FLG: variants seen among roughly 807,000 people sequenced by gnomAD.
FLG encodes the protein filaggrin, also known as epidermal filaggrin.
A neutral mutation model predicts 3.8 loss-of-function variants in FLG; 6 were observed. That is an observed-to-expected ratio of 1.60 (90% confidence interval 0.87 to 3.15). The LOEUF is 3.15. FLG is among the 30% of genes most tolerant of loss of function. The pLI is 0.00. For missense variants in FLG, 7,595 were observed against 5,050.9 expected, an observed-to-expected ratio of 1.50 and a Z score of -15.27; for synonymous variants, 2,551 against 1,931.6, an observed-to-expected ratio of 1.32 and a Z score of -8.41.
At position 152,309,412 on chromosome 1, in the gene FLG, T is replaced by G; in HGVS notation, c.5474A>C (p.Gln1825Pro). 6.2e-7 allele frequency: 1 copy of G among 1,613,772 alleles called. No homozygotes were observed. Among genetic ancestry groups the G allele is most frequent in the South Asian group, 1.1e-5 (1 of 91,054 alleles). Reference sequence around the variant, plus strand: ...TACCGATTGCTCATAGTGGGATCCCTGCCTTCCTCCTCTGCTTGACCCTGG... The same window carrying G: ...TACCGATTGCTCATAGTGGGATCCCGGCCTTCCTCCTCTGCTTGACCCTGG... Reference protein sequence around the residue: ...GHPGSSRGGRQGSHYEQSVDS... With the variant: ...GHPGSSRGGRPGSHYEQSVDS... Residue 1825 changes from glutamine to proline, a missense_variant, in exon 3 of 3, where the codon CAG (glutamine) becomes CCG (proline). Physicochemically the swap from Gln to Pro is moderately conservative, Grantham distance 76. Coordinates refer to ENST00000368799, the MANE Select transcript of FLG (RefSeq NM_002016.2).
rs1391084527 is a variant in FLG at position 152,312,581 on chromosome 1, C to A, written c.2305G>T (p.Gly769Cys). The change falls in exon 3 of 3, where the codon GGT (glycine) becomes TGT (cysteine). Residue 769 changes from glycine (G) to cysteine (C), a missense_variant. Transcript: ENST00000368799. The stretch of plus-strand genomic sequence containing the variant: ...TCTTGGTGGCTCTGCTGATGGTGAC[C>A]AGCCTGTCCATGGCCTGACACTGAC... Reference protein sequence around the residue: ...TQSVSGHGQAGHHQQSHQESA... With the variant: ...TQSVSGHGQACHHQQSHQESA... 4 of 1,613,604 alleles carry A rather than the reference C, an allele frequency of 2.5e-6. No individual in the cohort carries two copies. Among genetic ancestry groups the A allele is most frequent in the Non-Finnish European group, 3.4e-6 (4 of 1,179,980 alleles).
rs376401439 is a variant in FLG at position 152,310,207 on chromosome 1, C to G, written c.4679G>C (p.Arg1560Pro). Residue 1560 changes from arginine to proline, a missense_variant, in exon 3 of 3, where the codon CGT becomes CCT. Arg to Pro is a moderately radical substitution (Grantham distance 103). Coordinates refer to ENST00000368799, the MANE Select transcript of FLG (RefSeq NM_002016.2). The stretch of plus-strand genomic sequence containing the variant: ...GGCCCGAGTGGAAGGTTCATGGTGA[C>G]GTGACCCTGAGTGCCTGGAGCCGTC... ...SGDGSRHSGS[R>P]HHEPSTRAGS... 2.5e-6 allele frequency: 4 copies of G among 1,613,466 alleles called. No homozygotes were observed. The highest frequency in any genetic ancestry group is 3.4e-6 in the Non-Finnish European group (4 of 1,179,910).
chr1:152,310,833 T>A lies in FLG; in HGVS notation c.4053A>T (p.Ser1351=), dbSNP rs1557878150. Reference sequence around the variant, plus strand: ...GGGATCCATGTCTTTCTCCTGGACTTGATCTTGCCTGTTCATGGGATGACA... The same window carrying A: ...GGGATCCATGTCTTTCTCCTGGACTAGATCTTGCCTGTTCATGGGATGACA... ...QAVSSHEQAR[S]SPGERHGSRH... The change falls in exon 3 of 3, where the codon TCA becomes TCT. Residue 1351 remains serine, a synonymous_variant. Coordinates refer to ENST00000368799, the MANE Select transcript of FLG (RefSeq NM_002016.2). 6.2e-7 allele frequency: 1 copy of A among 1,611,824 alleles called. No individual in the cohort carries two copies. The highest frequency in any genetic ancestry group is 2.2e-5 in the East Asian group (1 of 44,540).
In FLG at chr1:152,303,340, T is replaced by A; in HGVS notation, c.11546A>T (p.Glu3849Val). ...CCTGCTTCTCCTGGACCCCGCTGAT[T>A]CACCCTGGCCGGACTGTGAGTGTCT... ...SSRHSQSGQG[E>V]SAGSRRSRRQ... Residue 3849 changes from glutamate (E) to valine (V), a missense_variant, in exon 3 of 3, where the codon GAA becomes GTA. Glu to Val is a moderately radical substitution (Grantham distance 121). Coordinates refer to ENST00000368799, the MANE Select transcript of FLG (RefSeq NM_002016.2). 6.2e-7 allele frequency: 1 copy of A among 1,614,114 alleles called. No homozygotes were observed. Among genetic ancestry groups the A allele is most frequent in the South Asian group, 1.1e-5 (1 of 91,082 alleles).
chr1:152,318,378 G>A (rs915658819), intron 1 of FLG, among the ~76,000 whole-genome samples: 1 of 151,678 alleles, frequency 6.6e-6, no homozygotes, highest in Non-Finnish European at 1.5e-5. Context: ...TTAATCTCTT[G>A]GTATGTGAAA....
In FLG at chr1:152,309,976, T is replaced by G; in HGVS notation, c.4910A>C (p.Gln1637Pro). Residue 1637 changes from glutamine to proline, a missense_variant, in exon 3 of 3, where the codon CAA becomes CCA. Gln to Pro is a moderately conservative substitution (Grantham distance 76). Transcript: ENST00000368799. ...RHGSRNPRSH[Q>P]EDRASHGHSA... ...GTGCCCATGACTGGCTCTATCTTCT[T>G]GATGGGACCTGGGGTTCCTGGAGCC... 1.2e-6 allele frequency: 2 copies of G among 1,614,020 alleles called. No individual in the cohort carries two copies. Among genetic ancestry groups the G allele is most frequent in the Non-Finnish European group, 1.7e-6 (2 of 1,179,992 alleles).
chr1:152,306,339 G>A lies in FLG; in HGVS notation c.8547C>T (p.Asp2849=), dbSNP rs200790612. The change falls in exon 3 of 3, where the codon GAC becomes GAT. Residue 2849 remains aspartate, a synonymous_variant. Coordinates refer to ENST00000368799, the MANE Select transcript of FLG (RefSeq NM_002016.2). ...RTTRNEEQSG[D]GSRHSGSRHH... ...GACGCGACCCTGAGTGCCTGGAGCC[G>A]TCTCCTGATTGTTCCTCATTACGTG... The A allele has an allele frequency of 9.2e-5, 147 of 1,601,976 alleles. No individual in the cohort carries two copies. The highest frequency in any genetic ancestry group is 5.0e-4 in the Middle Eastern group (3 of 6,054).
In FLG at chr1:152,313,581, T is replaced by C. The variant is rs371524896; in HGVS notation, c.1305A>G (p.Gln435=). 9.3e-6 allele frequency: 15 copies of C among 1,613,758 alleles called. No individual in the cohort carries two copies. In the African/African-American group the frequency reaches 1.9e-4, roughly 20 times the overall value. The part of the protein sequence containing the change: ...SEGHSENSDT[Q]SVSGHGKAGL... The stretch of plus-strand genomic sequence containing the variant: ...CAGCCTTTCCGTGGCCTGACACTGA[T>C]TGTGTGTCTGAGTTTTCTGAATGTC... Residue 435 remains glutamine (Q), a synonymous_variant, in exon 3 of 3, where the codon CAA becomes CAG. Transcript: ENST00000368799.
At position 152,309,333 on chromosome 1, in the gene FLG, C is replaced by A. The variant is rs768262606; in HGVS notation, c.5553G>T (p.Arg1851Ser). The stretch of plus-strand genomic sequence containing the variant: ...CTGACTGCCCACGGGAGACATCAGA[C>A]CTTTCCTGGGACGTGGTGTGGCTGT... Reference protein sequence around the residue: ...SHHSHTTSQERSDVSRGQSGS... With the variant: ...SHHSHTTSQESSDVSRGQSGS... The change falls in exon 3 of 3, where the codon AGG becomes AGT. Residue 1851 changes from arginine (R) to serine (S), a missense_variant. Arg to Ser is a moderately radical substitution (Grantham distance 110). Transcript: ENST00000368799. 8.1e-6 allele frequency: 13 copies of A among 1,613,748 alleles called. No individual in the cohort carries two copies. The highest frequency in any genetic ancestry group is 4.4e-5 in the South Asian group (4 of 91,074).
In FLG at chr1:152,310,364, AT is replaced by A. The variant is rs765808900; in HGVS notation, c.4521del (p.Gln1507HisfsTer3). On this transcript the variant is annotated frameshift_variant, in exon 3 of 3. Coordinates refer to ENST00000368799, the MANE Select transcript of FLG (RefSeq NM_002016.2). LOFTEE classifies it low-confidence loss of function (END_TRUNC). ...CCTGAGTGTCCAGACCTATCTACTG[AT>A]TGCTCGTGGTAGGATCCCTGCCTTC... ...RGGRQGSYHEQSVDRSGHSGY... is the reference protein window; with the variant it reads ...RGGRQGSYHEXSVDRSGHSGY... 6.2e-7 allele frequency: 1 copy of A among 1,613,090 alleles called. No individual in the cohort carries two copies. The highest frequency in any genetic ancestry group is 8.5e-7 in the Non-Finnish European group (1 of 1,179,820).
rs1652267077 is a variant in FLG at position 152,309,870 on chromosome 1, C to T, written c.5016G>A (p.Gln1672=). 3 of 1,613,994 alleles carry T rather than the reference C, an allele frequency of 1.9e-6. No homozygotes were observed. The highest frequency in any genetic ancestry group is 2.7e-5 in the African/African-American group (2 of 74,906). The change falls in exon 3 of 3, where the codon CAG becomes CAA. Residue 1672 remains glutamine, a synonymous_variant. Transcript: ENST00000368799. ...GTCTTTCTCCTGGACTTGACCTTGC[C>T]TGTTCCTGGGATGATGCAGCCTGTC... ...SGGQAASSQE[Q]ARSSPGERHG...
Position 152,310,228 on chromosome 1 carries a change from C to G in FLG, c.4658G>C (p.Gly1553Ala), listed in dbSNP as rs1408495580. The G allele has an allele frequency of 3.1e-6, 5 of 1,613,720 alleles. No individual in the cohort carries two copies. The highest frequency in any genetic ancestry group is 2.2e-5 in the East Asian group (1 of 44,836). ...QTRNEEQSGDGSRHSGSRHHE... is the reference protein window; with the variant it reads ...QTRNEEQSGDASRHSGSRHHE... ...GTGACGTGACCCTGAGTGCCTGGAG[C>G]CGTCTCCTGATTGTTCCTCATTTCT... Residue 1553 changes from glycine to alanine, a missense_variant, in exon 3 of 3, where the codon GGC (glycine) becomes GCC (alanine). Physicochemically the swap from Gly to Ala is moderately conservative, Grantham distance 60. Coordinates refer to ENST00000368799, the MANE Select transcript of FLG (RefSeq NM_002016.2).
In FLG at chr1:152,312,583, G is replaced by A. The variant is rs764517654; in HGVS notation, c.2303C>T (p.Ala768Val). 8 of 1,613,560 alleles carry A rather than the reference G, an allele frequency of 5.0e-6. No homozygotes were observed. Among genetic ancestry groups the A allele is most frequent in the Middle Eastern group, 3.3e-4 (2 of 6,084 alleles). ...DTQSVSGHGQAGHHQQSHQES... is the reference protein window; with the variant it reads ...DTQSVSGHGQVGHHQQSHQES... ...TTGGTGGCTCTGCTGATGGTGACCA[G>A]CCTGTCCATGGCCTGACACTGACTG... The change falls in exon 3 of 3, where the codon GCT (alanine) becomes GTT (valine). Residue 768 changes from alanine (A) to valine (V), a missense_variant. Transcript: ENST00000368799.
intron 1 of FLG, among the ~76,000 whole-genome samples, chr1:152,317,151 C>T (rs1017284295): frequency 6.6e-6 from 1 of 152,094 alleles, no homozygotes; most frequent in Non-Finnish European, 1.5e-5. Flanking sequence ...CCTACTTTCT[C>T]ATATGCATCA....
Position 152,304,206 on chromosome 1 carries a change from G to A in FLG, c.10680C>T (p.Ser3560=). The A allele has an allele frequency of 1.9e-6, 3 of 1,611,894 alleles. No homozygotes were observed. Among genetic ancestry groups the A allele is most frequent in the Non-Finnish European group, 2.5e-6 (3 of 1,179,680 alleles). Residue 3560 remains serine (S), a synonymous_variant, in exon 3 of 3, where the codon TCC becomes TCT. Coordinates refer to ENST00000368799, the MANE Select transcript of FLG (RefSeq NM_002016.2). ...EDSERWSGSA[S]RNHRGSAQEQ... is the part of the protein sequence containing the mutation. ...CCTGAGCAGATCCACGATGGTTTCTGGAAGCAGACCCAGACCACCTCTCAG... is the reference window on the plus strand; with the variant it reads ...CCTGAGCAGATCCACGATGGTTTCTAGAAGCAGACCCAGACCACCTCTCAG...
rs144444327 is a variant in FLG at position 152,305,112 on chromosome 1, G to C, written c.9774C>G (p.His3258Gln). The change falls in exon 3 of 3, where the codon CAC (histidine) becomes CAG (glutamine). Residue 3258 changes from histidine (H) to glutamine (Q), a missense_variant. His to Gln is a conservative substitution (Grantham distance 24). Coordinates refer to ENST00000368799, the MANE Select transcript of FLG (RefSeq NM_002016.2). The stretch of plus-strand genomic sequence containing the variant: ...AGTGCCCGTGACCGGCTCTGTCTTC[G>C]TGATGGGACCTGGGGTGTCTGGAGC... ...RHGSRHPRSH[H>Q]EDRAGHGHSA... 6.2e-7 allele frequency: 1 copy of C among 1,613,662 alleles called. No individual in the cohort carries two copies. The highest frequency in any genetic ancestry group is 1.1e-5 in the South Asian group (1 of 91,026).
chr1:152,310,025 A>G lies in FLG; in HGVS notation c.4861T>C (p.Ser1621Pro). 6.2e-7 allele frequency: 1 copy of G among 1,613,532 alleles called. No individual in the cohort carries two copies. The highest frequency in any genetic ancestry group is 8.5e-7 in the Non-Finnish European group (1 of 1,179,922). Residue 1621 changes from serine (S) to proline (P), a missense_variant, in exon 3 of 3, where the codon TCT becomes CCT. By Grantham distance (74) the Ser-to-Pro change is moderately conservative. Transcript: ENST00000368799. The stretch of plus-strand genomic sequence containing the variant: ...CCATGTCTTGACTGCTCCCGAGCAG[A>G]TCCATAATGGTTTCTGGAAGCCGAC... ...SESASRNHYG[S>P]AREQSRHGSR...
rs376461431 is a variant in FLG at position 152,308,160 on chromosome 1, A to C, written c.6726T>G (p.Ser2242Arg). The change falls in exon 3 of 3, where the codon AGT (serine) becomes AGG (arginine). Residue 2242 changes from serine (S) to arginine (R), a missense_variant. By Grantham distance (110) the Ser-to-Arg change is moderately radical. Transcript: ENST00000368799. ...CCTCACTGTCACTGTCCTGGCTAACACTGGATCCCCGGGGCCTGCTTGTCC... is the reference window on the plus strand; with the variant it reads ...CCTCACTGTCACTGTCCTGGCTAACCCTGGATCCCCGGGGCCTGCTTGTCC... ...GPRTSRPRGS[S>R]VSQDSDSEGH... The C allele has an allele frequency of 1.2e-5, 20 of 1,613,648 alleles. No homozygotes were observed. Among genetic ancestry groups the C allele is most frequent in the Non-Finnish European group, 1.6e-5 (19 of 1,179,976 alleles).
At chr1:152,314,926 T>C (rs1652723930) in intron 2 of FLG, 179 bp from the exon 3 acceptor site, 2 of 666,488 alleles carry the variant, frequency 3.0e-6, no homozygotes, top group Non-Finnish European at 5.0e-6. Context: ...TGAACAAAGA[T>C]GTAGACTAGT....
Sources: allele counts gnomAD v4.1 joint callset (sites outside exome capture counted in the v4.1 genomes callset), GRCh38; gene constraint gnomAD v4.1.1; transcripts MANE v1.5; gene names NCBI Gene and HGNC (gene_info 2026-07-23, HGNC 2026-07-21).